The following HEMK2 variants were observed in gnomAD, a reference collection of about 807,000 sequenced individuals.
The protein encoded by HEMK2 is methyltransferase HEMK2.
chr21:28,846,616 T>A, the HEMK2 span, among the ~76,000 whole-genome samples: 1 of 147,734 alleles, frequency 6.8e-6, no homozygotes, highest in African/African-American at 2.6e-5. Context: ...GAAGTGTCCG[T>A]TCATGCCCTT....
At chr21:28,877,054 G>A in the HEMK2 span, among the ~76,000 whole-genome samples, 7,667 of 47,096 alleles carry the variant, frequency 0.16, 1,005 homozygotes, top group South Asian at 0.3. Context: ...GAGGGAGGGA[G>A]GGAGGGAAGG....
the HEMK2 span, among the ~76,000 whole-genome samples, chr21:28,708,786 G>C: frequency 5.9e-5 from 9 of 152,244 alleles, no homozygotes; most frequent in African/African-American, 2.2e-4. Flanking sequence ...TAAAGGCATA[G>C]CCAAACTGGA....
At chr21:28,655,286 C>T in the HEMK2 span, among the ~76,000 whole-genome samples, 1 of 151,802 alleles carries the variant, frequency 6.6e-6, no homozygotes, top group Non-Finnish European at 1.5e-5. Flanking sequence ...TTTGAACAAA[C>T]TAGTATAGGG....
At chr21:28,693,599 T>C in the HEMK2 span, among the ~76,000 whole-genome samples, 1 of 152,230 alleles carries the variant, frequency 6.6e-6, no homozygotes, top group Non-Finnish European at 1.5e-5. Context: ...CCGTTAAGCA[T>C]GCCGCAGCCT....
At chr21:28,582,349 T>C in the HEMK2 span, among the ~76,000 whole-genome samples, 1 of 152,192 alleles carries the variant, frequency 6.6e-6, no homozygotes, top group South Asian at 2.1e-4. Flanking sequence ...TTTTCTCAGA[T>C]GGTAAGCTTT....
chr21:28,666,687 G>A, the HEMK2 span, among the ~76,000 whole-genome samples: 5 of 152,092 alleles, frequency 3.3e-5, no homozygotes, highest in Non-Finnish European at 7.4e-5. Context: ...TGGAGCAAAA[G>A]GTAGAAGGGT....
the HEMK2 span, among the ~76,000 whole-genome samples, chr21:28,682,357 A>AT: frequency 6.6e-6 from 1 of 151,774 alleles, no homozygotes; most frequent in Non-Finnish European, 1.5e-5. Context: ...ATGAGATACC[A>AT]TCTCACACCA....
chr21:28,668,218 C>T, the HEMK2 span, among the ~76,000 whole-genome samples: 1 of 152,176 alleles, frequency 6.6e-6, no homozygotes, highest in African/African-American at 2.4e-5. Context: ...ATTTAGAGTA[C>T]CATATTTTAT....
the HEMK2 span, among the ~76,000 whole-genome samples, chr21:28,752,422 G>A: frequency 1.3e-5 from 2 of 152,198 alleles, no homozygotes; most frequent in Non-Finnish European, 2.9e-5. Flanking sequence ...CAAGGTATGT[G>A]AGCCTGGCTT....
chr21:28,882,582 G>A, the HEMK2 span, among the ~76,000 whole-genome samples: 1 of 147,944 alleles, frequency 6.8e-6, no homozygotes, highest in East Asian at 1.9e-4. Flanking sequence ...AAATGTTTAT[G>A]AGACGAAATT....
chr21:28,586,804 A>C, the HEMK2 span, among the ~76,000 whole-genome samples: 1 of 152,168 alleles, frequency 6.6e-6, no homozygotes, highest in Non-Finnish European at 1.5e-5. Context: ...TCTGGTTCAT[A>C]ACATTGTGTC....
chr21:28,882,711 A>G, the HEMK2 span, among the ~76,000 whole-genome samples: 1 of 152,368 alleles, frequency 6.6e-6, no homozygotes. Flanking sequence ...CCAATCTTCT[A>G]TAAATTTAAG....
chr21:28,702,149 C>A, the HEMK2 span, among the ~76,000 whole-genome samples: 1 of 151,982 alleles, frequency 6.6e-6, no homozygotes, highest in Non-Finnish European at 1.5e-5. Context: ...TGAAACTGGA[C>A]CCCTGCCTAT....
At chr21:28,822,288 A>G in the HEMK2 span, among the ~76,000 whole-genome samples, 2 of 152,206 alleles carry the variant, frequency 1.3e-5, no homozygotes, top group African/African-American at 4.8e-5. Context: ...TTACCTAATG[A>G]TATCATTCCA....
At chr21:28,779,834 T>C in the HEMK2 span, among the ~76,000 whole-genome samples, 1 of 152,226 alleles carries the variant, frequency 6.6e-6, no homozygotes, top group African/African-American at 2.4e-5. Context: ...GCTCCTGGCC[T>C]CCTCTTTCAG....
At chr21:28,873,327 G>A in the HEMK2 span, 1 of 152,190 alleles carries the variant, frequency 6.6e-6, no homozygotes, top group African/African-American at 2.4e-5. Context: ...ACAGAATAAG[G>A]AAATGAGAAG....
chr21:28,834,335 C>T, the HEMK2 span, among the ~76,000 whole-genome samples: 1 of 152,166 alleles, frequency 6.6e-6, no homozygotes, highest in Non-Finnish European at 1.5e-5. Flanking sequence ...TGTGAGTGCC[C>T]CAACCTTGGA....
At chr21:28,703,948 C>T in the HEMK2 span, among the ~76,000 whole-genome samples, 83 of 152,276 alleles carry the variant, frequency 5.5e-4, no homozygotes, top group African/African-American at 1.4e-3. Flanking sequence ...ATGCTGTTTT[C>T]GTGGACTTGA....
the HEMK2 span, among the ~76,000 whole-genome samples, chr21:28,584,865 C>T: frequency 6.6e-6 from 1 of 151,854 alleles, no homozygotes. Context: ...AACAAGAGAA[C>T]TAAGTCATCT....
Sources: allele counts gnomAD v4.1 joint callset (sites outside exome capture counted in the v4.1 genomes callset), GRCh38; gene constraint gnomAD v4.1.1; transcripts MANE v1.5; gene names NCBI Gene and HGNC (gene_info 2026-07-23, HGNC 2026-07-21).